SHROOM4: variants seen among roughly 807,000 people sequenced by gnomAD.
SHROOM4 encodes the protein protein Shroom4.
In SHROOM4, 17 loss-of-function variants were observed where a neutral mutation model predicts 80.3. The ratio of observed to expected loss-of-function variants is 0.21; its 90% CI spans 0.14 to 0.32. The LOEUF (loss-of-function observed/expected upper bound fraction) is 0.32, where lower values mean the gene tolerates loss of function less well. SHROOM4 is among the 10% of genes least tolerant of loss of function. The probability of loss-of-function intolerance (pLI) is 1.00; values close to 1 mark genes in which losing one functional copy is unlikely to be tolerated. For synonymous variants in SHROOM4, 400 were observed against 437.5 expected (o/e 0.91, Z 1.07); for missense variants, 993 against 1,140.3 (o/e 0.87, Z 1.86).
At chrX:50,805,219 T>C (rs1281909559) in intron 1 of SHROOM4, among the ~76,000 whole-genome samples, 3 of 111,599 alleles carry the variant, frequency 2.7e-5, no homozygotes, top group African/African-American at 9.8e-5. Context: ...CCAGAATAAC[T>C]AGTCAAACCA....
chrX:50,752,353 G>A (rs931423737), intron 1 of SHROOM4, among the ~76,000 whole-genome samples: 11 of 111,458 alleles, frequency 9.9e-5, no homozygotes, highest in Middle Eastern at 4.7e-3. Context: ...CATATCTCTG[G>A]GGAAAGCAGA....
chrX:50,716,317 T>C (rs1933952837), intron 1 of SHROOM4, among the ~76,000 whole-genome samples: 1 of 111,247 alleles, frequency 9.0e-6, no homozygotes, highest in Non-Finnish European at 1.9e-5. Flanking sequence ...GAACAATGTA[T>C]CATATTCTTG....
At chrX:50,703,232 C>A (rs1933566054) in intron 1 of SHROOM4, among the ~76,000 whole-genome samples, 2 of 111,843 alleles carry the variant, frequency 1.8e-5, no homozygotes, top group Non-Finnish European at 3.8e-5. Flanking sequence ...CATTTTTAAT[C>A]TCCAGCCAAT....
chrX:50,578,375 C>T, the SHROOM4 span, among the ~76,000 whole-genome samples: 1 of 112,343 alleles, frequency 8.9e-6, no homozygotes, highest in African/African-American at 3.2e-5. Context: ...GGCGTGATCT[C>T]GACTCATTGC....
chrX:50,750,382 C>T (rs1934886307), intron 1 of SHROOM4, among the ~76,000 whole-genome samples: 1 of 111,816 alleles, frequency 8.9e-6, no homozygotes, highest in Non-Finnish European at 1.9e-5. Flanking sequence ...GCCTCAGCCT[C>T]CCCCGAGTAG....
intron 2 of SHROOM4, among the ~76,000 whole-genome samples, chrX:50,649,031 A>C (rs1557258315): frequency 8.9e-6 from 1 of 111,740 alleles, no homozygotes; most frequent in African/African-American, 3.3e-5. Context: ...TAAAAGGTAA[A>C]ATCAGAGCAA....
rs782356427 is a variant in SHROOM4 at position 50,696,040 on chromosome X, A to T, written c.118-103T>A. On this transcript the variant is annotated intron_variant, in intron 1 of 8. Transcript: ENST00000376020. Reference sequence around the variant, plus strand: ...CTGGAGCCACAAGTAGTACTGGGGAATGGCTCCAGGCAGCTCCTGGGAGTA... The same window carrying T: ...CTGGAGCCACAAGTAGTACTGGGGATTGGCTCCAGGCAGCTCCTGGGAGTA... 4.2e-4 allele frequency: 400 copies of T among 955,856 alleles called. 1 individual carries two copies. Among genetic ancestry groups the T allele is most frequent in the Non-Finnish European group, 5.8e-4 (391 of 678,386 alleles). 78.8% of individuals were successfully genotyped at this position (955,856 alleles called of 1,213,427 possible).
intron 2 of SHROOM4, among the ~76,000 whole-genome samples, chrX:50,652,261 T>C (rs1932121754): frequency 1.8e-5 from 2 of 112,361 alleles, no homozygotes. Flanking sequence ...CCTGACTTTT[T>C]AATGATTGCC....
intron 1 of SHROOM4, among the ~76,000 whole-genome samples, chrX:50,750,101 T>C (rs1478708514): frequency 8.9e-6 from 1 of 111,756 alleles, no homozygotes; most frequent in African/African-American, 3.3e-5. Context: ...ATGATTGATA[T>C]AGAGGTCTTT....
At chrX:50,783,262 T>C (rs782660998) in intron 1 of SHROOM4, among the ~76,000 whole-genome samples, 13 of 111,934 alleles carry the variant, frequency 1.2e-4, no homozygotes, top group South Asian at 3.7e-4. Flanking sequence ...AAATCAAACA[T>C]ATTTCTACAT....
At chrX:50,601,956 C>T (rs1557247711) in intron 7 of SHROOM4, among the ~76,000 whole-genome samples, 1 of 111,774 alleles carries the variant, frequency 8.9e-6, no homozygotes, top group East Asian at 2.8e-4. Flanking sequence ...ATGTACTGTA[C>T]AGTAGAAATT....
chrX:50,686,513 C>G (rs1933077314), intron 2 of SHROOM4, among the ~76,000 whole-genome samples: 1 of 111,459 alleles, frequency 9.0e-6, no homozygotes, highest in African/African-American at 3.3e-5. Flanking sequence ...TCTTTTAAAT[C>G]TGTTTTATTA....
intron 2 of SHROOM4, among the ~76,000 whole-genome samples, chrX:50,690,202 T>C (rs552361945): frequency 8.9e-6 from 1 of 112,107 alleles, no homozygotes; most frequent in East Asian, 2.8e-4. Flanking sequence ...TAATATTTTA[T>C]TAGATATTTT....
intron 2 of SHROOM4, among the ~76,000 whole-genome samples, chrX:50,668,421 G>A (rs1457758036): frequency 2.7e-5 from 3 of 111,855 alleles, no homozygotes; most frequent in Admixed American, 1.9e-4. Flanking sequence ...CAAGTGGAGA[G>A]CCTGGACTTT....
intron 1 of SHROOM4, among the ~76,000 whole-genome samples, chrX:50,811,481 C>G (rs1936329312): frequency 9.0e-6 from 1 of 111,521 alleles, no homozygotes; most frequent in South Asian, 3.8e-4. Flanking sequence ...AGTTTTTAAT[C>G]TGCCAACCCA....
chrX:50,635,719 A>C (rs1557256005), intron 3 of SHROOM4, 51 bp from the exon 4 acceptor site: 1 of 1,129,134 alleles, frequency 8.9e-7, no homozygotes, highest in East Asian at 3.0e-5. Flanking sequence ...GGCCAGCCCT[A>C]CTATAGGAGA....
Position 50,635,014 on chromosome X carries a change from C to T in SHROOM4, c.1059G>A (p.Gln353=). ...EFSQPPESSQ[Q]GSEHLLMQAS... ...CCTGCATCAGTAGATGCTCAGAGCC[C>T]TGTTGGCTGGATTCAGGAGGCTGAC... is the stretch of plus-strand genomic sequence containing the variant. The change falls in exon 4 of 9, where the codon CAG becomes CAA. Residue 353 remains glutamine (Q), a synonymous_variant. Coordinates refer to ENST00000376020, the MANE Select transcript of SHROOM4 (RefSeq NM_020717.5). 1 of 1,212,235 alleles carries T rather than the reference C, an allele frequency of 8.2e-7. No individual in the cohort carries two copies. The highest frequency in any genetic ancestry group is 1.8e-5 in the South Asian group (1 of 57,002).
At chrX:50,641,525 C>T (rs901323049) in intron 2 of SHROOM4, among the ~76,000 whole-genome samples, 1 of 111,655 alleles carries the variant, frequency 9.0e-6, no homozygotes, top group African/African-American at 3.3e-5. Context: ...CTCAAGAGTA[C>T]CCACACCTAG....
intron 1 of SHROOM4, among the ~76,000 whole-genome samples, chrX:50,797,154 C>A (rs1293545309): frequency 9.2e-6 from 1 of 109,240 alleles, no homozygotes; most frequent in Admixed American, 9.9e-5. Context: ...GAGAGGCAGT[C>A]GATTTACAGA....
Sources: allele counts gnomAD v4.1 joint callset (sites outside exome capture counted in the v4.1 genomes callset), GRCh38; gene constraint gnomAD v4.1.1; transcripts MANE v1.5; gene names NCBI Gene and HGNC (gene_info 2026-07-23, HGNC 2026-07-21).